The following ARMC2 variants were observed in gnomAD, a reference collection of about 807,000 sequenced individuals.
ARMC2 encodes the protein armadillo repeat-containing protein 2.
A neutral mutation model predicts 90.3 loss-of-function variants in ARMC2; 67 were observed. The observed-to-expected ratio is 0.74, with a 90% confidence interval of 0.61 to 0.91. The LOEUF (loss-of-function observed/expected upper bound fraction) is 0.91. ARMC2 is among the 40% of genes least tolerant of loss of function. The probability of loss-of-function intolerance (pLI) is 0.00; values close to 1 mark genes in which losing one functional copy is unlikely to be tolerated. For synonymous variants in ARMC2, 393 were observed against 393.0 expected (o/e 1.00, Z 0.00); for missense variants, 920 against 1,030.9 (o/e 0.89, Z 1.47).
At chr6:108,865,208 C>T (rs1233213840) in intron 3 of ARMC2, among the ~76,000 whole-genome samples, 1 of 151,992 alleles carries the variant, frequency 6.6e-6, no homozygotes, top group Non-Finnish European at 1.5e-5. Flanking sequence ...GTCTTGAACT[C>T]CTGACCTCAG....
the ARMC2 span, among the ~76,000 whole-genome samples, chr6:109,024,248 G>C: frequency 6.6e-6 from 1 of 152,144 alleles, no homozygotes; most frequent in African/African-American, 2.4e-5. Flanking sequence ...ATTATAACAA[G>C]CTTCTTTATC....
chr6:108,911,399 C>T (rs1773409799), intron 9 of ARMC2, among the ~76,000 whole-genome samples: 1 of 152,090 alleles, frequency 6.6e-6, no homozygotes, highest in Non-Finnish European at 1.5e-5. Context: ...AACCTGACAT[C>T]AACATGTTTC....
the ARMC2 span, among the ~76,000 whole-genome samples, chr6:109,020,162 C>T: frequency 3.9e-5 from 6 of 152,248 alleles, no homozygotes; most frequent in South Asian, 6.2e-4. Context: ...CTCCAGATAC[C>T]GGTGAGGCCT....
At chr6:108,999,744 G>A in the ARMC2 span, among the ~76,000 whole-genome samples, 1 of 152,094 alleles carries the variant, frequency 6.6e-6, no homozygotes, top group Non-Finnish European at 1.5e-5. Flanking sequence ...TAGGCTTACC[G>A]TATTATCCAC....
At chr6:108,863,597 A>T (rs919966319) in intron 3 of ARMC2, among the ~76,000 whole-genome samples, 1 of 152,152 alleles carries the variant, frequency 6.6e-6, no homozygotes, top group African/African-American at 2.4e-5. Flanking sequence ...TGAATTGTAT[A>T]AAGTCAGAAA....
chr6:109,018,121 T>C, the ARMC2 span, among the ~76,000 whole-genome samples: 5 of 152,342 alleles, frequency 3.3e-5, no homozygotes, highest in Non-Finnish European at 7.4e-5. Flanking sequence ...CTTCCTTGTA[T>C]ATTATCAGTG....
chr6:108,982,405 C>T, the ARMC2 span, among the ~76,000 whole-genome samples: 1 of 152,202 alleles, frequency 6.6e-6, no homozygotes, highest in Non-Finnish European at 1.5e-5. Context: ...CTCATGAGGG[C>T]TCCACCCTCA....
At position 108,858,192 on chromosome 6, in the gene ARMC2, A is replaced by G; in HGVS notation, c.219-7A>G. 1 of 1,605,744 alleles carries G rather than the reference A, an allele frequency of 6.2e-7. No homozygotes were observed. Among genetic ancestry groups the G allele is most frequent in the South Asian group, 1.1e-5 (1 of 90,500 alleles). On this transcript the variant is annotated splice_polypyrimidine_tract_variant and splice_region_variant and intron_variant, in intron 2 of 17. Transcript: ENST00000392644. The stretch of plus-strand genomic sequence containing the variant: ...AAACTAACACTCTGCACCATCTTTT[A>G]TGCTAGCCTCCATGCATCCAGTTTT...
chr6:109,001,196 A>G, the ARMC2 span: 1 of 1,029,250 alleles, frequency 9.7e-7, no homozygotes, highest in Non-Finnish European at 1.4e-6. Context: ...ATCATAATCT[A>G]AGTATTTATC....
chr6:108,897,603 T>C (rs960586009), intron 6 of ARMC2, among the ~76,000 whole-genome samples: 1 of 152,066 alleles, frequency 6.6e-6, no homozygotes, highest in African/African-American at 2.4e-5. Context: ...CTGGACTTGC[T>C]GCAACTGGGA....
the ARMC2 span, chr6:109,001,532 G>C: frequency 6.5e-7 from 1 of 1,543,744 alleles, no homozygotes; most frequent in Non-Finnish European, 8.9e-7. Context: ...TGGTAAATTG[G>C]TGTTAAGGGA....
intron 2 of ARMC2, among the ~76,000 whole-genome samples, chr6:108,855,688 A>G (rs1003730758): frequency 6.6e-6 from 1 of 152,218 alleles, no homozygotes; most frequent in African/African-American, 2.4e-5. Context: ...CCAGCAATGA[A>G]TGAGAGATCC....
intron 2 of ARMC2, 79 bp downstream of exon 2, chr6:108,854,564 A>G (rs755703910): frequency 7.2e-7 from 1 of 1,390,786 alleles, no homozygotes; most frequent in East Asian, 2.3e-5. Flanking sequence ...ACTTAAGGTT[A>G]GCTTTTAAAA....
chr6:108,893,235 G>A (rs1468829590), intron 5 of ARMC2, among the ~76,000 whole-genome samples: 2 of 152,114 alleles, frequency 1.3e-5, no homozygotes, highest in African/African-American at 4.8e-5. Context: ...TTTATCATCT[G>A]GGGACTGTCC....
intron 4 of ARMC2, among the ~76,000 whole-genome samples, chr6:108,872,052 T>G (rs907386174): frequency 6.6e-5 from 10 of 152,212 alleles, no homozygotes; most frequent in African/African-American, 2.4e-4. Flanking sequence ...CTCCCTGGGT[T>G]TCATTTCAGA....
At chr6:108,991,919 C>T in the ARMC2 span, among the ~76,000 whole-genome samples, 3 of 152,142 alleles carry the variant, frequency 2.0e-5, no homozygotes, top group African/African-American at 7.2e-5. Context: ...CACTCTATCC[C>T]TCAACCTAAG....
intron 10 of ARMC2, among the ~76,000 whole-genome samples, chr6:108,922,400 G>A (rs1385635779): frequency 1.3e-5 from 2 of 152,132 alleles, no homozygotes; most frequent in East Asian, 1.9e-4. Flanking sequence ...AGCCATGAGA[G>A]TCGCTGGGAT....
intron 3 of ARMC2, among the ~76,000 whole-genome samples, chr6:108,861,370 TCATC>T (rs1359039110): frequency 6.6e-6 from 1 of 152,238 alleles, no homozygotes; most frequent in Non-Finnish European, 1.5e-5. Context: ...TTGTGATACT[TCATC>T]CACAAAAATT....
chr6:108,910,875 A>C, intron 8 of ARMC2, 24 bp from the exon 9 acceptor site: 1 of 1,205,354 alleles, frequency 8.3e-7, no homozygotes, highest in Non-Finnish European at 1.2e-6. Context: ...CTTCTGCAAT[A>C]GAGATGTGTT....
Sources: gnomAD v4.1 joint callset for allele counts (sites outside exome capture counted in the v4.1 genomes callset) on GRCh38, gnomAD v4.1.1 for gene constraint, MANE v1.5 for transcripts, NCBI Gene and HGNC (gene_info 2026-07-23, HGNC 2026-07-21) for gene names.